The following VEPH1 variants were observed in gnomAD, a reference collection of about 807,000 sequenced individuals.
VEPH1 encodes the protein ventricular zone-expressed PH domain-containing protein homolog 1.
In VEPH1, 80 loss-of-function variants were observed where a neutral mutation model predicts 85.2. The ratio of observed to expected loss-of-function variants is 0.94; its 90% CI spans 0.78 to 1.13. The LOEUF is 1.13. Among genes scored for constraint, VEPH1 ranks in the 50% most tolerant of loss-of-function variants. The pLI is 0.00. For synonymous variants in VEPH1, 297 were observed against 348.0 expected (o/e 0.85, Z 1.63); for missense variants, 955 against 980.5 (o/e 0.97, Z 0.35).
chr3:157,448,438 T>G (rs112076470), intron 4 of VEPH1, among the ~76,000 whole-genome samples: 2,212 of 152,332 alleles, frequency 0.015, 53 homozygotes, highest in African/African-American at 0.05. Flanking sequence ...GGGACATTAC[T>G]ACTTTTAGAT....
intron 9 of VEPH1, 108 bp from the exon 10 acceptor site, chr3:157,317,309 A>G (rs1577325698): frequency 3.8e-6 from 4 of 1,053,372 alleles, no homozygotes; most frequent in Non-Finnish European, 5.1e-6. Context: ...TCAGTTTTCA[A>G]ACTGTGAGCT....
chr3:157,404,025 G>A (rs1323837423), intron 6 of VEPH1, among the ~76,000 whole-genome samples: 2 of 152,120 alleles, frequency 1.3e-5, no homozygotes, highest in African/African-American at 4.8e-5. Context: ...CACATGGGAT[G>A]GAGACCGACA....
intron 4 of VEPH1, among the ~76,000 whole-genome samples, chr3:157,433,618 CTG>C (rs1181583923): frequency 2.0e-5 from 3 of 152,232 alleles, no homozygotes; most frequent in African/African-American, 7.2e-5. Flanking sequence ...ATGCATATTG[CTG>C]TGTTTGGCTA....
intron 5 of VEPH1, among the ~76,000 whole-genome samples, chr3:157,415,534 C>G (rs1408484840): frequency 6.6e-6 from 1 of 152,138 alleles, no homozygotes; most frequent in Non-Finnish European, 1.5e-5. Context: ...AGCCTCCTAA[C>G]AGGTCTCCCT....
chr3:157,432,374 T>A (rs923391187), intron 4 of VEPH1, among the ~76,000 whole-genome samples: 8 of 152,144 alleles, frequency 5.3e-5, no homozygotes. Flanking sequence ...TTGTTAGAAA[T>A]TTTTCTGTAT....
At chr3:157,303,719 T>A (rs1239277928) in intron 11 of VEPH1, among the ~76,000 whole-genome samples, 2 of 152,090 alleles carry the variant, frequency 1.3e-5, no homozygotes, top group Non-Finnish European at 2.9e-5. Context: ...AGCACTGGAT[T>A]AGCCCCTTGG....
At position 157,434,061 on chromosome 3, in the gene VEPH1, A is replaced by T. The variant is rs187704915; in HGVS notation, c.530-5573T>A. ...GGTTTATATTTTTTGAAACTATATT[A>T]CTAGATAATTCAGAGATATCTTCCT... On this transcript the variant is annotated intron_variant, in intron 4 of 13. Transcript: ENST00000362010. Among the ~76,000 whole-genome samples, 5 of 152,224 alleles carry T rather than the reference A, an allele frequency of 3.3e-5. No homozygotes were observed. The East Asian group carries it at 9.6e-4, about 29-fold the overall frequency.
At position 157,381,206 on chromosome 3, in the gene VEPH1, A is replaced by G; in HGVS notation, c.1077T>C (p.Ile359=). 6.2e-7 allele frequency: 1 copy of G among 1,614,004 alleles called. No individual in the cohort carries two copies. The highest frequency in any genetic ancestry group is 8.5e-7 in the Non-Finnish European group (1 of 1,179,978). ...IFRMSNSFTA[I]AKLLTRQLEN... Reference sequence around the variant, plus strand: ...CCAGTTGTCGGGTAAGGAGTTTAGCAATGGCGGTGAAGCTGTTGCTCATGC... The same window carrying G: ...CCAGTTGTCGGGTAAGGAGTTTAGCGATGGCGGTGAAGCTGTTGCTCATGC... The change falls in exon 7 of 14, where the codon ATT becomes ATC. Residue 359 remains isoleucine (I), a synonymous_variant. Transcript: ENST00000362010.
intron 6 of VEPH1, among the ~76,000 whole-genome samples, chr3:157,386,125 AT>A (rs1354778540): frequency 2.6e-5 from 4 of 152,064 alleles, no homozygotes; most frequent in South Asian, 2.1e-4. Flanking sequence ...AAATACTAGC[AT>A]CAGTAGTTTT....
chr3:157,428,486 T>C lies in VEPH1; in HGVS notation c.532A>G (p.Asn178Asp). Residue 178 changes from asparagine (N) to aspartate (D), a missense_variant and splice_region_variant, in exon 5 of 14, where the codon AAC (asparagine) becomes GAC (aspartate). By Grantham distance (23) the Asn-to-Asp change is conservative. Coordinates refer to ENST00000362010, the MANE Select transcript of VEPH1 (RefSeq NM_001167912.2). ...EVIVKSILQG[N>D]TMLLRVLPAV... Reference sequence around the variant, plus strand: ...GGTAACACTCTCAACAACATGGTGTTACCTGTTGAGGGAACAATAAAGGGA... The same window carrying C: ...GGTAACACTCTCAACAACATGGTGTCACCTGTTGAGGGAACAATAAAGGGA... The C allele has an allele frequency of 6.2e-7, 1 of 1,613,412 alleles. No homozygotes were observed. Among genetic ancestry groups the C allele is most frequent in the African/African-American group, 1.3e-5 (1 of 75,044 alleles).
At chr3:157,404,328 T>C (rs1374723616) in intron 6 of VEPH1, among the ~76,000 whole-genome samples, 1 of 152,154 alleles carries the variant, frequency 6.6e-6, no homozygotes, top group East Asian at 1.9e-4. Context: ...ATTCATGCAC[T>C]AAATAAATGA....
At position 157,261,081 on chromosome 3, in the gene VEPH1, A is replaced by G. The variant is rs1712809632; in HGVS notation, c.*53T>C. The G allele has an allele frequency of 3.2e-6, 5 of 1,586,800 alleles. No individual in the cohort carries two copies. Among genetic ancestry groups the G allele is most frequent in the Non-Finnish European group, 4.3e-6 (5 of 1,165,338 alleles). ...TTTAGCTCTTTTTCTTGACATTGGC[A>G]ATGATAATACAATGCCTGTGGTGTA... On this transcript the variant is annotated 3_prime_UTR_variant, in exon 14 of 14. Transcript: ENST00000362010.
intron 6 of VEPH1, among the ~76,000 whole-genome samples, chr3:157,393,861 A>G (rs1443320439): frequency 1.3e-5 from 2 of 152,152 alleles, no homozygotes; most frequent in Admixed American, 1.3e-4. Flanking sequence ...TTCCTATTCT[A>G]TTGGAAGACT....
intron 10 of VEPH1, chr3:157,315,756 T>C (rs1720680220): frequency 6.6e-6 from 1 of 150,694 alleles, no homozygotes; most frequent in Non-Finnish European, 1.5e-5. Flanking sequence ...ACAAAATCAA[T>C]AAAATAATAC....
rs57277738 is a variant in VEPH1 at position 157,481,486 on chromosome 3, A to AAAAAAAAAC, written c.139-10958_139-10957insGTTTTTTTT. On this transcript the variant is annotated intron_variant, in intron 2 of 13. Transcript: ENST00000362010. ...CACACAAAAAAAAAAAAAAAAAAAAACAATCCTAAGCAAAAAGAACAAAGT... is the reference window on the plus strand; with the variant it reads ...CACACAAAAAAAAAAAAAAAAAAAAAAAAAAAAACCAATCCTAAGCAAAAAGAACAAAGT... Among the ~76,000 whole-genome samples the AAAAAAAAAC allele has an allele frequency of 2.4e-4, 19 of 79,036 alleles. 1 individual carries two copies. The highest frequency in any genetic ancestry group is 3.9e-4 in the African/African-American group (8 of 20,384). 51.9% of individuals were successfully genotyped at this position (79,036 alleles called of 152,430 possible). A position where few individuals can be genotyped will look rare whatever the true frequency, so the allele number is the denominator to read the frequency against.
chr3:157,342,509 G>C (rs535255383), intron 9 of VEPH1, among the ~76,000 whole-genome samples: 1 of 152,198 alleles, frequency 6.6e-6, no homozygotes, highest in Non-Finnish European at 1.5e-5. Flanking sequence ...CAATACATGA[G>C]CACTCAGGTT....
At chr3:157,264,081 T>C (rs983126260) in intron 13 of VEPH1, among the ~76,000 whole-genome samples, 2 of 152,240 alleles carry the variant, frequency 1.3e-5, no homozygotes, top group African/African-American at 2.4e-5. Flanking sequence ...CTCCCCATTG[T>C]GGGTGGGCAT....
chr3:157,381,089 A>T, intron 7 of VEPH1, 67 bp downstream of exon 7: 1 of 1,522,808 alleles, frequency 6.6e-7, no homozygotes, highest in Non-Finnish European at 9.1e-7. Context: ...AGAGAGGCTT[A>T]ACTGTCTGCA....
chr3:157,383,095 C>T lies in VEPH1; in HGVS notation c.907-1719G>A, dbSNP rs144781277. Among the ~76,000 whole-genome samples, 1,164 of 152,244 alleles carry T rather than the reference C, an allele frequency of 7.6e-3. 93 individuals carry two copies. The East Asian group carries it at 0.2, about 26-fold the overall frequency. On this transcript the variant is annotated intron_variant, in intron 6 of 13. Transcript: ENST00000362010. ...CCTCCTGCCTCAGCCTCCCAAAATG[C>T]TAGGATTACAGGCGTGAGCCACCGT...
Sources: gnomAD v4.1 joint callset for allele counts (sites outside exome capture counted in the v4.1 genomes callset) on GRCh38, gnomAD v4.1.1 for gene constraint, MANE v1.5 for transcripts, NCBI Gene and HGNC (gene_info 2026-07-23, HGNC 2026-07-21) for gene names.